Variants in PREX2 observed in about 807,000 individuals in gnomAD.
PREX2 encodes the protein phosphatidylinositol 3,4,5-trisphosphate-dependent Rac exchanger 2 protein.
In PREX2, 107 loss-of-function variants were observed where a neutral mutation model predicts 203.2. That is an observed-to-expected ratio of 0.53 (90% CI 0.45 to 0.62). PREX2 has a LOEUF of 0.62. Among genes scored for constraint, PREX2 ranks in the 20% least tolerant of loss-of-function variants. The pLI, the probability that PREX2 is intolerant of heterozygous loss-of-function variation, is 0.00. For missense variants in PREX2, 1,777 were observed against 1,955.9 expected, an observed-to-expected ratio of 0.91 and a Z score of 1.72; for synonymous variants, 672 against 663.6, an observed-to-expected ratio of 1.01 and a Z score of -0.19.
intron 33 of PREX2, among the ~76,000 whole-genome samples, chr8:68,144,635 T>C (rs1367203577): frequency 1.3e-5 from 2 of 152,254 alleles, no homozygotes; most frequent in Admixed American, 1.3e-4. Context: ...TCTCTTGTCT[T>C]GTTTTATTGC....
At position 68,231,348 on chromosome 8, in the gene PREX2, C is replaced by T. The variant is rs140051329; in HGVS notation, c.4791C>T (p.Cys1597=). ...CCTTTTCTAGGCTGTACAAGCTGTG[C>T]GAGCCACCTCCCCCAGCTGGAGAAG... is the stretch of plus-strand genomic sequence containing the variant. ...PQSAPRLYKL[C]EPPPPAGEE is the part of the protein sequence containing the mutation. Residue 1597 remains cysteine, a synonymous_variant, in exon 40 of 40, where the codon TGC becomes TGT. Transcript: ENST00000288368. The T allele has an allele frequency of 3.7e-5, 59 of 1,600,538 alleles. No homozygotes were observed. Among genetic ancestry groups the T allele is most frequent in the African/African-American group, 1.1e-4 (8 of 74,286 alleles).
At chr8:68,220,845 C>T (rs529548342) in intron 38 of PREX2, among the ~76,000 whole-genome samples, 19 of 152,184 alleles carry the variant, frequency 1.2e-4, no homozygotes, top group East Asian at 1.2e-3. Flanking sequence ...TTTATGATAG[C>T]GATTAAAAGC....
At chr8:68,075,060 G>C (rs2571372) in intron 14 of PREX2, among the ~76,000 whole-genome samples, 1 of 152,210 alleles carries the variant, frequency 6.6e-6, no homozygotes, top group East Asian at 1.9e-4. Flanking sequence ...ATTCCTGTAC[G>C]TTGTGATTTG....
At chr8:68,219,255 T>G (rs1812906041) in intron 38 of PREX2, among the ~76,000 whole-genome samples, 2 of 152,154 alleles carry the variant, frequency 1.3e-5, no homozygotes, top group Non-Finnish European at 2.9e-5. Context: ...TAGTCATAAT[T>G]ATATCAAATA....
At chr8:68,064,923 C>T (rs1002775346) in intron 11 of PREX2, among the ~76,000 whole-genome samples, 4 of 152,176 alleles carry the variant, frequency 2.6e-5, no homozygotes, top group African/African-American at 9.7e-5. Flanking sequence ...TCTACACCCC[C>T]TACCTTCACC....
At chr8:68,223,307 G>C (rs997113407) in intron 38 of PREX2, 4 of 152,110 alleles carry the variant, frequency 2.6e-5, no homozygotes, top group Non-Finnish European at 5.9e-5. Flanking sequence ...TTTTGTTTTT[G>C]TTTTTGTTTT....
intron 30 of PREX2, among the ~76,000 whole-genome samples, chr8:68,122,553 C>G (rs1003619284): frequency 6.6e-6 from 1 of 152,018 alleles, no homozygotes; most frequent in African/African-American, 2.4e-5. Context: ...TATGACACTA[C>G]TAGAAACTAT....
chr8:68,153,985 T>C (rs979830291), intron 34 of PREX2, among the ~76,000 whole-genome samples: 6 of 152,252 alleles, frequency 3.9e-5, no homozygotes, highest in Non-Finnish European at 7.3e-5. Flanking sequence ...CTTGTTCTTA[T>C]ATAAAATTTG....
intron 33 of PREX2, among the ~76,000 whole-genome samples, chr8:68,140,520 TGTGG>T (rs1220699926): frequency 2.0e-5 from 3 of 152,222 alleles, no homozygotes; most frequent in Non-Finnish European, 4.4e-5. Flanking sequence ...GTTACTTAGA[TGTGG>T]AGAAGTCAGA....
At chr8:68,137,713 C>T (rs1395211220) in intron 32 of PREX2, among the ~76,000 whole-genome samples, 1 of 152,100 alleles carries the variant, frequency 6.6e-6, no homozygotes, top group African/African-American at 2.4e-5. Context: ...AAGCTAGTAC[C>T]AGAAAGATGA....
chr8:68,137,564 C>G (rs140962820), intron 32 of PREX2, among the ~76,000 whole-genome samples: 1 of 152,216 alleles, frequency 6.6e-6, no homozygotes, highest in South Asian at 2.1e-4. Context: ...AGCCACCGTG[C>G]CTGACCATTG....
intron 38 of PREX2, among the ~76,000 whole-genome samples, chr8:68,220,709 C>T (rs1484069058): frequency 6.6e-6 from 1 of 152,146 alleles, no homozygotes; most frequent in Non-Finnish European, 1.5e-5. Flanking sequence ...TGGGATAAGT[C>T]TTACTCATTT....
chr8:68,112,988 G>A (rs1810564625), intron 25 of PREX2, among the ~76,000 whole-genome samples: 1 of 152,076 alleles, frequency 6.6e-6, no homozygotes, highest in Non-Finnish European at 1.5e-5. Flanking sequence ...CTTATCAATG[G>A]CACAAGGAGA....
chr8:68,115,069 C>T (rs1423622473), intron 25 of PREX2, among the ~76,000 whole-genome samples: 2 of 136,144 alleles, frequency 1.5e-5, no homozygotes, highest in East Asian at 2.2e-4. Context: ...CTCTTGTTGC[C>T]CAGGCTGGAG....
At chr8:68,031,021 G>A (rs933041239) in intron 6 of PREX2, among the ~76,000 whole-genome samples, 2 of 152,106 alleles carry the variant, frequency 1.3e-5, no homozygotes, top group South Asian at 2.1e-4. Context: ...TTCAGTAGGT[G>A]TGCTGTGATA....
intron 1 of PREX2, among the ~76,000 whole-genome samples, chr8:67,957,550 A>G (rs1429645373): frequency 1.3e-5 from 2 of 152,178 alleles, no homozygotes; most frequent in African/African-American, 4.8e-5. Flanking sequence ...ATTTGTCTAC[A>G]TGGCAAATTC....
chr8:68,090,231 G>A (rs879435187), intron 19 of PREX2, among the ~76,000 whole-genome samples: 8 of 152,260 alleles, frequency 5.3e-5, no homozygotes, highest in Non-Finnish European at 1.0e-4. Context: ...GGTAAGTAAG[G>A]CATATGTTTC....
At chr8:68,056,355 T>G (rs927150485) in intron 10 of PREX2, among the ~76,000 whole-genome samples, 1 of 152,040 alleles carries the variant, frequency 6.6e-6, no homozygotes, top group East Asian at 1.9e-4. Context: ...AAAGGAAAGA[T>G]AAGAGACAGT....
At chr8:68,048,686 A>G (rs1306446151) in intron 8 of PREX2, among the ~76,000 whole-genome samples, 1 of 152,122 alleles carries the variant, frequency 6.6e-6, no homozygotes, top group Non-Finnish European at 1.5e-5. Flanking sequence ...AGGCAAACAC[A>G]TAAGACTATA....
Sources: allele counts gnomAD v4.1 joint callset (sites outside exome capture counted in the v4.1 genomes callset), GRCh38; gene constraint gnomAD v4.1.1; transcripts MANE v1.5; gene names NCBI Gene and HGNC (gene_info 2026-07-23, HGNC 2026-07-21).